Variants in ANKRD28 observed in about 807,000 individuals in gnomAD.
The protein encoded by ANKRD28 is serine/threonine-protein phosphatase 6 regulatory ankyrin repeat subunit A.
Under a neutral mutation model 126.5 loss-of-function variants are expected in ANKRD28, and 44 were observed. The ratio of observed to expected loss-of-function variants is 0.35; its 90% CI spans 0.27 to 0.45. The LOEUF is 0.45. Among genes scored for constraint, ANKRD28 ranks in the 20% least tolerant of loss-of-function variants. ANKRD28 has a pLI of 1.00. For synonymous variants in ANKRD28, 442 were observed against 468.5 expected, an observed-to-expected ratio of 0.94 and a Z score of 0.73; for missense variants, 1,110 against 1,316.6, an observed-to-expected ratio of 0.84 and a Z score of 2.43.
Position 15,817,324 on chromosome 3 carries a change from A to C in ANKRD28, c.28-22018T>G, listed in dbSNP as rs1021493771. On this transcript the variant is annotated intron_variant, in intron 1 of 27. Coordinates refer to the ANKRD28 transcript ENST00000399451. The surrounding 1 kb of genome is among the most constrained non-coding windows in gnomAD (Gnocchi z 4.5). ...CTAGATAGAAAATTTTATAGGTTATAAACTAACATCGGCAATTTCATATGG... is the reference window on the plus strand; with the variant it reads ...CTAGATAGAAAATTTTATAGGTTATCAACTAACATCGGCAATTTCATATGG... 6.6e-6 allele frequency among the ~76,000 whole-genome samples: 1 copy of C among 152,096 alleles called. No individual in the cohort carries two copies. Among genetic ancestry groups the C allele is most frequent in the Non-Finnish European group, 1.5e-5 (1 of 68,016 alleles).
intron 1 of ANKRD28, among the ~76,000 whole-genome samples, chr3:15,855,008 C>T (rs1232104926): frequency 1.3e-5 from 2 of 152,000 alleles, no homozygotes; most frequent in African/African-American, 2.4e-5. Context: ...AAGATCGTGC[C>T]GCTGCACTCC....
At chr3:15,735,551 G>C in intron 5 of ANKRD28, 54 bp from the exon 6 acceptor site, 1 of 1,338,264 alleles carries the variant, frequency 7.5e-7, no homozygotes, top group South Asian at 1.3e-5. Context: ...AATTGTCTAT[G>C]AATGTACATT....
intron 11 of ANKRD28, among the ~76,000 whole-genome samples, chr3:15,711,648 C>T (rs868364429): frequency 1.3e-5 from 2 of 151,818 alleles, no homozygotes; most frequent in African/African-American, 4.8e-5. Context: ...TGGAGATTAA[C>T]TGCTAATGGT....
chr3:15,752,237 G>A (rs147545417), intron 3 of ANKRD28, among the ~76,000 whole-genome samples: 21 of 152,058 alleles, frequency 1.4e-4, no homozygotes, highest in South Asian at 4.2e-4. Context: ...AATATATCAC[G>A]CCATAAGGTA....
intron 1 of ANKRD28, among the ~76,000 whole-genome samples, chr3:15,828,330 G>A (rs548088200): frequency 1.3e-5 from 2 of 152,188 alleles, no homozygotes; most frequent in African/African-American, 4.8e-5. Flanking sequence ...GGCTGGACGC[G>A]GTGGCTCATG....
At chr3:15,832,714 A>G (rs967521409) in intron 1 of ANKRD28, among the ~76,000 whole-genome samples, 1 of 152,194 alleles carries the variant, frequency 6.6e-6, no homozygotes, top group Non-Finnish European at 1.5e-5. Context: ...GTATTTGACT[A>G]TGTTTCCAAG....
intron 1 of ANKRD28, among the ~76,000 whole-genome samples, chr3:15,850,258 G>GAGAGAGAGAGAGAGAGAGAGAGAGAGAA (rs1384999941): frequency 7.9e-5 from 10 of 126,900 alleles, no homozygotes; most frequent in Admixed American, 2.4e-4. Context: ...GAGAGAGAGA[G>GAGAGAGAGAGAGAGAGAGAGAGAGAGAA]AGAGAAAGTT....
At chr3:15,801,822 G>T (rs1278573039), upstream of ANKRD28, among the ~76,000 whole-genome samples, 3 of 152,098 alleles carry the variant, frequency 2.0e-5, no homozygotes, top group Non-Finnish European at 4.4e-5. The surrounding 1 kb of genome is among the most constrained non-coding windows in gnomAD (Gnocchi z 4.9). Context: ...CTCTCTGCAG[G>T]TAATATATTT....
At chr3:15,763,780 G>A (rs547027106) in intron 3 of ANKRD28, among the ~76,000 whole-genome samples, 6 of 152,088 alleles carry the variant, frequency 3.9e-5, no homozygotes, top group Non-Finnish European at 8.8e-5. Context: ...AATCTGGGGT[G>A]GGGAGATAAT....
intron 3 of ANKRD28, among the ~76,000 whole-genome samples, chr3:15,753,613 G>A (rs2057992459): frequency 6.6e-6 from 1 of 152,166 alleles, no homozygotes; most frequent in Non-Finnish European, 1.5e-5. Context: ...GAGGTCTCAT[G>A]AGGGATGCTG....
At chr3:15,735,002 T>C (rs2074922617) in intron 6 of ANKRD28, among the ~76,000 whole-genome samples, 1 of 152,224 alleles carries the variant, frequency 6.6e-6, no homozygotes, top group East Asian at 1.9e-4. Context: ...TTTACTATTA[T>C]AGAAATCAAA....
chr3:15,670,233 G>T lies in ANKRD28; in HGVS notation c.*37C>A. 3 of 1,598,064 alleles carry T rather than the reference G, an allele frequency of 1.9e-6. No homozygotes were observed. Among genetic ancestry groups the T allele is most frequent in the Non-Finnish European group, 2.6e-6 (3 of 1,168,748 alleles). On this transcript the variant is annotated 3_prime_UTR_variant, in exon 28 of 28. Transcript: ENST00000683139. ...CCTTTTTCCTGAAAAAGCACAGTTT[G>T]AAGCTTTACTGTGAGAACTCCCTCC...
At chr3:15,738,106 A>T (rs554347170) in intron 4 of ANKRD28, among the ~76,000 whole-genome samples, 3 of 152,160 alleles carry the variant, frequency 2.0e-5, no homozygotes, top group Non-Finnish European at 4.4e-5. Context: ...ATATAATCAG[A>T]ACTAAACTCA....
chr3:15,709,678 T>C lies in ANKRD28; in HGVS notation c.1396A>G (p.Lys466Glu). ...TGTATCATACCCTACCTCCCAAATT[T>C]GTCCTTTTTATTAAAGTCTGCACCA... ...NTGADFNKKDKFGRSPLHYAA... is the reference protein window; with the variant it reads ...NTGADFNKKDEFGRSPLHYAA... The change falls in exon 13 of 28, where the codon AAA becomes GAA. Residue 466 changes from lysine (K) to glutamate (E), a missense_variant. Physicochemically the swap from Lys to Glu is moderately conservative, Grantham distance 56. Transcript: ENST00000683139. 1 of 1,581,436 alleles carries C rather than the reference T, an allele frequency of 6.3e-7. No homozygotes were observed. Among genetic ancestry groups the C allele is most frequent in the East Asian group, 2.3e-5 (1 of 43,934 alleles).
intron 6 of ANKRD28, among the ~76,000 whole-genome samples, chr3:15,730,989 G>A (rs1056610139): frequency 6.6e-6 from 1 of 152,040 alleles, no homozygotes; most frequent in Non-Finnish European, 1.5e-5. Context: ...GCTTCAAGAG[G>A]GCCCTCACTA....
chr3:15,770,189 G>C (rs1162546547), intron 2 of ANKRD28, among the ~76,000 whole-genome samples: 1 of 152,102 alleles, frequency 6.6e-6, no homozygotes, highest in Non-Finnish European at 1.5e-5. Context: ...ACCTCTGACA[G>C]ACAACTGTAA....
At chr3:15,734,853 G>A (rs1342806002) in intron 6 of ANKRD28, among the ~76,000 whole-genome samples, 1 of 152,072 alleles carries the variant, frequency 6.6e-6, no homozygotes, top group East Asian at 1.9e-4. Flanking sequence ...GTTTTGGGTG[G>A]TCTACCCCAG....
Position 15,677,564 on chromosome 3 carries a change from TG to T in ANKRD28, c.2708-3del. The T allele has an allele frequency of 2.5e-6, 4 of 1,607,246 alleles. No individual in the cohort carries two copies. The highest frequency in any genetic ancestry group is 3.4e-6 in the Non-Finnish European group (4 of 1,174,692). On this transcript the variant is annotated splice_region_variant and splice_polypyrimidine_tract_variant and intron_variant, in intron 24 of 27. Transcript: ENST00000683139. Reference sequence around the variant, plus strand: ...CACTAGCACTGCTAACCAGCATCTCTGGGAGGAAAAAGTGCATCAATTCTTA... The same window carrying T: ...CACTAGCACTGCTAACCAGCATCTCTGGAGGAAAAAGTGCATCAATTCTTA...
chr3:15,707,913 A>G lies in ANKRD28; in HGVS notation c.1547+11T>C. 6.2e-7 allele frequency: 1 copy of G among 1,611,278 alleles called. No homozygotes were observed. The highest frequency in any genetic ancestry group is 8.5e-7 in the Non-Finnish European group (1 of 1,177,932). On this transcript the variant is annotated intron_variant, in intron 14 of 27. Coordinates refer to ENST00000683139, the MANE Select transcript of ANKRD28 (RefSeq NM_001349278.2). ...ATATTGATCCTCCACTCTCACTCCT[A>G]TGGTACTTACTTGCCATCTGTGTCT...
Sources: allele counts gnomAD v4.1 joint callset (sites outside exome capture counted in the v4.1 genomes callset), GRCh38; gene constraint gnomAD v4.1.1; non-coding constraint Gnocchi (gnomAD v3.1); transcripts MANE v1.5; gene names NCBI Gene and HGNC (gene_info 2026-07-23, HGNC 2026-07-21).